LNX1: variants seen among roughly 807,000 people sequenced by gnomAD.
The protein encoded by LNX1 is E3 ubiquitin-protein ligase LNX.
LNX1 carries 54 observed loss-of-function variants against 68.4 expected under a neutral mutation model. That is an observed-to-expected ratio of 0.79 (90% CI 0.63 to 0.99). The LOEUF (loss-of-function observed/expected upper bound fraction) is 0.99. LNX1 is among the 50% of genes least tolerant of loss of function. LNX1 has a pLI of 0.00. For synonymous variants in LNX1, 336 were observed against 350.0 expected (o/e 0.96, Z 0.45); for missense variants, 906 against 926.4 (o/e 0.98, Z 0.29).
chr4:53,541,952 C>T (rs1292945369), intron 2 of LNX1, among the ~76,000 whole-genome samples: 2 of 152,156 alleles, frequency 1.3e-5, no homozygotes, highest in Non-Finnish European at 2.9e-5. Context: ...CATGAGCATG[C>T]ATAAATCAGC....
chr4:53,584,753 A>G (rs1320683211), intron 1 of LNX1, among the ~76,000 whole-genome samples: 1 of 152,196 alleles, frequency 6.6e-6, no homozygotes, highest in Admixed American at 6.5e-5. Context: ...AAGTAGAAAA[A>G]TCCTCTTTTC....
At chr4:53,651,454 G>A (rs533880257) in intron 1 of LNX1, among the ~76,000 whole-genome samples, 11 of 152,328 alleles carry the variant, frequency 7.2e-5, no homozygotes, top group African/African-American at 2.4e-4. Flanking sequence ...TACATGACAA[G>A]GTGGTATATT....
chr4:53,472,679 C>CAAAAAAAAAAAAAA (rs1248739480), intron 9 of LNX1, among the ~76,000 whole-genome samples: 1 of 40,946 alleles, frequency 2.4e-5, no homozygotes, highest in Non-Finnish European at 5.1e-5. Context: ...ACAACAACAA[C>CAAAAAAAAAAAAAA]AACAACAAAA....
chr4:53,515,511 CCA>C (rs201201089), intron 2 of LNX1, among the ~76,000 whole-genome samples: 1,670 of 149,404 alleles, frequency 0.011, 26 homozygotes, highest in African/African-American at 0.038. Flanking sequence ...TTTAAGGCCC[CCA>C]CCCCACCAAA....
intron 2 of LNX1, among the ~76,000 whole-genome samples, chr4:53,614,802 TTCCTTCAGCC>T (rs1733625652): frequency 1.3e-5 from 2 of 152,222 alleles, no homozygotes; most frequent in African/African-American, 4.8e-5. Context: ...ATCTGTCTGC[TTCCTTCAGCC>T]TCCTGGTCAT....
At position 53,469,868 on chromosome 4, in the gene LNX1, A is replaced by G. The variant is rs1450106425; in HGVS notation, c.1892+6885T>C. Among the ~76,000 whole-genome samples the G allele has an allele frequency of 2.0e-5, 3 of 152,276 alleles. 1 individual carries two copies. The highest frequency in any genetic ancestry group is 7.2e-5 in the African/African-American group (3 of 41,568). Reference sequence around the variant, plus strand: ...TAATTAATAGCTTACTAACCAAAAAAAGTCCAGGACCAGATGGATTCACAG... The same window carrying G: ...TAATTAATAGCTTACTAACCAAAAAGAGTCCAGGACCAGATGGATTCACAG... On this transcript the variant is annotated intron_variant, in intron 9 of 10. Coordinates refer to ENST00000263925, the MANE Select transcript of LNX1 (RefSeq NM_001126328.3).
At chr4:53,521,246 T>C (rs1424718002) in intron 2 of LNX1, among the ~76,000 whole-genome samples, 2 of 152,178 alleles carry the variant, frequency 1.3e-5, no homozygotes, top group Non-Finnish European at 2.9e-5. Context: ...CCTCGTGTTT[T>C]TGTGAAGTCT....
intron 2 of LNX1, among the ~76,000 whole-genome samples, chr4:53,604,568 A>T (rs1733151324): frequency 1.3e-5 from 2 of 152,244 alleles, no homozygotes; most frequent in Non-Finnish European, 2.9e-5. Flanking sequence ...TGGTACTGGC[A>T]TTCAGGCCAG....
intron 6 of LNX1, among the ~76,000 whole-genome samples, chr4:53,493,353 T>C (rs1724837179): frequency 6.6e-6 from 1 of 152,170 alleles, no homozygotes; most frequent in African/African-American, 2.4e-5. Context: ...TGAGCATCCA[T>C]GGGGGCCGAG....
intron 9 of LNX1, among the ~76,000 whole-genome samples, chr4:53,461,987 G>A (rs1722170607): frequency 6.6e-6 from 1 of 152,014 alleles, no homozygotes; most frequent in Admixed American, 6.6e-5. Context: ...TAATTTTAAT[G>A]AGGGCAAAAA....
chr4:53,484,873 C>T (rs1724184043), intron 6 of LNX1, among the ~76,000 whole-genome samples: 1 of 152,178 alleles, frequency 6.6e-6, no homozygotes, highest in Non-Finnish European at 1.5e-5. Context: ...AAGTTGGAGT[C>T]CTCTGCCCAT....
chr4:53,613,724 T>G (rs1185793967), intron 2 of LNX1, among the ~76,000 whole-genome samples: 1 of 152,240 alleles, frequency 6.6e-6, no homozygotes, highest in Admixed American at 6.5e-5. Flanking sequence ...GGTATTTAGG[T>G]TGATTCCATG....
intron 2 of LNX1, among the ~76,000 whole-genome samples, chr4:53,520,886 C>T (rs776710639): frequency 1.3e-5 from 2 of 152,162 alleles, no homozygotes; most frequent in African/African-American, 4.8e-5. Context: ...CACTTGAACC[C>T]GGGAGGTGGA....
chr4:53,585,980 G>C (rs1577760917), intron 1 of LNX1, among the ~76,000 whole-genome samples: 1 of 152,018 alleles, frequency 6.6e-6, no homozygotes, highest in Non-Finnish European at 1.5e-5. Flanking sequence ...TTAGAAATAG[G>C]GAAAAATATT....
chr4:53,644,888 T>C (rs1425052783), intron 1 of LNX1, among the ~76,000 whole-genome samples: 2 of 152,106 alleles, frequency 1.3e-5, no homozygotes, highest in East Asian at 3.9e-4. Context: ...GAGGAGGAAG[T>C]CTGGGTAAGG....
At chr4:53,635,408 G>A (rs1486881392) in intron 1 of LNX1, among the ~76,000 whole-genome samples, 5 of 152,088 alleles carry the variant, frequency 3.3e-5, no homozygotes, top group African/African-American at 1.2e-4. Context: ...AAGTTTAAAA[G>A]AATCACATTT....
rs116172001 is a variant in LNX1, at chr4:53,481,842, G to A, written c.1363C>T (p.Arg455Cys). 2.7e-3 allele frequency: 4,370 copies of A among 1,604,110 alleles called. 50 individuals are homozygous for A. The highest frequency in any genetic ancestry group is 0.025 in the South Asian group (2,258 of 89,898). Residue 455 changes from arginine (R) to cysteine (C), a missense_variant, in exon 7 of 11, where the codon CGT becomes TGT. Coordinates refer to ENST00000263925, the MANE Select transcript of LNX1 (RefSeq NM_001126328.3). ...AAHLIQASER[R>C]VHLVVSRQVR... is the part of the protein sequence containing the mutation. The stretch of plus-strand genomic sequence containing the variant: ...TGGCGGGACACGACGAGGTGAACAC[G>A]TCTTTCACTGGCCTGGGCAAGAAGA...
chr4:53,632,223 G>T (rs1734306309), intron 1 of LNX1, among the ~76,000 whole-genome samples: 1 of 152,116 alleles, frequency 6.6e-6, no homozygotes, highest in African/African-American at 2.4e-5. Context: ...CTTAGAGTGG[G>T]GTTTTCAGGG....
intron 8 of LNX1, 63 bp from the exon 9 acceptor site, chr4:53,477,044 G>C (rs1012863201): frequency 7.3e-7 from 1 of 1,377,830 alleles, no homozygotes; most frequent in African/African-American, 1.4e-5. Flanking sequence ...TCTGCTTAAA[G>C]TGCAAGGGGA....
Sources: gnomAD v4.1 joint callset for allele counts (sites outside exome capture counted in the v4.1 genomes callset) on GRCh38, gnomAD v4.1.1 for gene constraint, MANE v1.5 for transcripts, NCBI Gene and HGNC (gene_info 2026-07-23, HGNC 2026-07-21) for gene names.